Variants in L3MBTL4 observed in about 807,000 individuals in gnomAD.
The protein encoded by L3MBTL4 is L3MBTL histone methyl-lysine binding protein 4, also known as lethal(3)malignant brain tumor-like protein 4.
In L3MBTL4, 70 loss-of-function variants were observed where a neutral mutation model predicts 84.5. That is an observed-to-expected ratio of 0.83 (90% CI 0.68 to 1.01). L3MBTL4 has a LOEUF of 1.01. Ranked by LOEUF, L3MBTL4 falls within the 50% of genes least tolerant of loss-of-function variation. The pLI is 0.00. For synonymous variants in L3MBTL4, 274 were observed against 259.8 expected (o/e 1.05, Z -0.52); for missense variants, 715 against 754.8 (o/e 0.95, Z 0.62).
chr18:6,402,746 G>T (rs2055563933), intron 1 of L3MBTL4, among the ~76,000 whole-genome samples: 1 of 152,152 alleles, frequency 6.6e-6, no homozygotes, highest in Admixed American at 6.5e-5. Context: ...CAAGGCGGAA[G>T]TTTTAGAAGA....
intron 1 of L3MBTL4, among the ~76,000 whole-genome samples, chr18:6,357,120 A>C (rs2053483645): frequency 6.6e-6 from 1 of 152,178 alleles, no homozygotes; most frequent in Non-Finnish European, 1.5e-5. Flanking sequence ...TCTCATCCAA[A>C]GCGTTGATAT....
At chr18:6,182,845 G>T (rs980532238) in intron 12 of L3MBTL4, among the ~76,000 whole-genome samples, 1 of 152,102 alleles carries the variant, frequency 6.6e-6, no homozygotes, top group African/African-American at 2.4e-5. Context: ...GTTATCAACT[G>T]ACTTTGCCAT....
At chr18:6,360,018 TTC>T (rs1647834920) in intron 1 of L3MBTL4, among the ~76,000 whole-genome samples, 1 of 152,194 alleles carries the variant, frequency 6.6e-6, no homozygotes, top group Non-Finnish European at 1.5e-5. Context: ...TAAAAGGTAA[TTC>T]TCTGTTTCAT....
At chr18:6,194,027 C>T (rs2045259400) in intron 12 of L3MBTL4, among the ~76,000 whole-genome samples, 2 of 152,114 alleles carry the variant, frequency 1.3e-5, no homozygotes, top group Non-Finnish European at 2.9e-5. Flanking sequence ...ATTAAATGTC[C>T]TCCAGTCAAG....
At chr18:6,412,914 G>A (rs949399760) in intron 1 of L3MBTL4, among the ~76,000 whole-genome samples, 2 of 150,538 alleles carry the variant, frequency 1.3e-5, no homozygotes, top group Admixed American at 1.3e-4. Flanking sequence ...ATGAGTTTCC[G>A]TCTCTACAAA....
intron 16 of L3MBTL4, chr18:6,025,099 T>C (rs2055440610): frequency 6.6e-6 from 1 of 152,154 alleles, no homozygotes; most frequent in Non-Finnish European, 1.5e-5. Flanking sequence ...TCAGTAAAGT[T>C]ACAATTTTGC....
rs189017835 is a variant in L3MBTL4 at position 6,174,365 on chromosome 18, T to C, written c.982-2423A>G. Reference sequence around the variant, plus strand: ...ATGTTCAAAAACTTAATTGAAATGGTCTAAATGAGTGAACAGAGAATTTCA... The same window carrying C: ...ATGTTCAAAAACTTAATTGAAATGGCCTAAATGAGTGAACAGAGAATTTCA... On this transcript the variant is annotated intron_variant, in intron 12 of 18. Transcript: ENST00000317931. 2.6e-5 allele frequency among the ~76,000 whole-genome samples: 4 copies of C among 152,178 alleles called. No individual in the cohort carries two copies. The East Asian group carries it at 7.7e-4, about 29-fold the overall frequency.
intron 1 of L3MBTL4, among the ~76,000 whole-genome samples, chr18:6,331,218 C>T (rs1457756677): frequency 1.3e-5 from 2 of 152,166 alleles, no homozygotes; most frequent in Non-Finnish European, 1.5e-5. Context: ...TCTCCATCAT[C>T]CAAAAGGTTG....
chr18:6,191,431 C>T (rs137984882), intron 12 of L3MBTL4, among the ~76,000 whole-genome samples: 7 of 152,132 alleles, frequency 4.6e-5, no homozygotes, highest in South Asian at 2.1e-4. Context: ...ATGGGAAAGA[C>T]GGAATGGCCA....
intron 5 of L3MBTL4, among the ~76,000 whole-genome samples, chr18:6,255,961 G>A (rs1162945512): frequency 6.6e-6 from 1 of 152,154 alleles, no homozygotes; most frequent in Non-Finnish European, 1.5e-5. Context: ...AATATTTAAA[G>A]TACTAAGAAG....
chr18:6,244,257 A>G (rs1319115158), intron 6 of L3MBTL4, among the ~76,000 whole-genome samples: 1 of 152,220 alleles, frequency 6.6e-6, no homozygotes, highest in East Asian at 1.9e-4. Context: ...TTATTTACCA[A>G]TTAAGTCAAG....
chr18:6,043,255 G>T (rs930805036), intron 16 of L3MBTL4, among the ~76,000 whole-genome samples: 2 of 152,040 alleles, frequency 1.3e-5, no homozygotes, highest in African/African-American at 4.8e-5. Context: ...TACTCTCCCT[G>T]CTTTAAACTT....
chr18:5,961,151 TGCTG>T (rs1198384658), intron 17 of L3MBTL4, among the ~76,000 whole-genome samples: 4 of 152,252 alleles, frequency 2.6e-5, no homozygotes, highest in African/African-American at 4.8e-5. Flanking sequence ...GAATTGTGTG[TGCTG>T]GCCCTTCTCC....
At chr18:6,119,708 G>A (rs905998611) in intron 14 of L3MBTL4, among the ~76,000 whole-genome samples, 2 of 152,184 alleles carry the variant, frequency 1.3e-5, no homozygotes, top group Non-Finnish European at 2.9e-5. Context: ...GGAGGTGTAT[G>A]TGTCCCAGGT....
intron 16 of L3MBTL4, 68 bp from the exon 17 acceptor site, chr18:5,969,630 C>T: frequency 1.3e-6 from 2 of 1,504,766 alleles, no homozygotes; most frequent in Non-Finnish European, 1.8e-6. Context: ...GTCAGCCCCG[C>T]AGTCCGGAGG....
intron 15 of L3MBTL4, 99 bp downstream of exon 15, chr18:6,093,256 T>G (rs2058517592): frequency 1.0e-6 from 1 of 956,012 alleles, no homozygotes; most frequent in Non-Finnish European, 1.5e-6. Context: ...AAATAATTCT[T>G]TTGAAGAAAG....
chr18:6,247,963 T>G (rs2047752937), intron 5 of L3MBTL4, among the ~76,000 whole-genome samples: 1 of 152,152 alleles, frequency 6.6e-6, no homozygotes, highest in African/African-American at 2.4e-5. Context: ...GTTTTGATCA[T>G]TCAATCACAG....
At chr18:6,041,348 C>T (rs1439335828) in intron 16 of L3MBTL4, among the ~76,000 whole-genome samples, 1 of 152,240 alleles carries the variant, frequency 6.6e-6, no homozygotes, top group African/African-American at 2.4e-5. Context: ...CACCAACTTG[C>T]TTCCAACAGG....
At chr18:6,277,914 AATCTT>A (rs1233746189) in intron 4 of L3MBTL4, among the ~76,000 whole-genome samples, 1 of 152,110 alleles carries the variant, frequency 6.6e-6, no homozygotes, top group Non-Finnish European at 1.5e-5. Context: ...CTAGGTATAA[AATCTT>A]ATCATGTGTA....
Sources: gnomAD v4.1 joint callset for allele counts (sites outside exome capture counted in the v4.1 genomes callset) on GRCh38, gnomAD v4.1.1 for gene constraint, MANE v1.5 for transcripts, NCBI Gene and HGNC (gene_info 2026-07-23, HGNC 2026-07-21) for gene names.